KCNB2: variants seen among roughly 807,000 people sequenced by gnomAD.
The protein encoded by KCNB2 is delayed rectifier potassium channel protein.
Under a neutral mutation model 61.5 loss-of-function variants are expected in KCNB2, and 15 were observed. The ratio of observed to expected loss-of-function variants is 0.24; its 90% CI spans 0.16 to 0.38. The LOEUF (loss-of-function observed/expected upper bound fraction) is 0.38. Among genes scored for constraint, KCNB2 ranks in the 10% least tolerant of loss-of-function variants. The probability of loss-of-function intolerance (pLI) is 1.00; values close to 1 mark genes in which losing one functional copy is unlikely to be tolerated. For missense variants in KCNB2, 828 were observed against 1,125.2 expected, an observed-to-expected ratio of 0.74 and a Z score of 3.78; for synonymous variants, 457 against 446.0, an observed-to-expected ratio of 1.02 and a Z score of -0.31.
chr8:72,618,133 G>T (rs998026960), intron 2 of KCNB2, among the ~76,000 whole-genome samples: 1 of 152,032 alleles, frequency 6.6e-6, no homozygotes, highest in African/African-American at 2.4e-5. Context: ...TACCGAGATG[G>T]CAATGTAGAC....
At chr8:72,820,652 A>G (rs1231642640) in intron 2 of KCNB2, among the ~76,000 whole-genome samples, 1 of 152,050 alleles carries the variant, frequency 6.6e-6, no homozygotes, top group African/African-American at 2.4e-5. Context: ...ATTGTAGTGA[A>G]TCTTATGATT....
intron 2 of KCNB2, among the ~76,000 whole-genome samples, chr8:72,656,839 A>G (rs929649286): frequency 4.6e-5 from 7 of 152,086 alleles, no homozygotes; most frequent in Non-Finnish European, 8.8e-5. Flanking sequence ...CTCAGTGACT[A>G]TCTCATCAGA....
chr8:72,783,064 C>A (rs1808789251), intron 2 of KCNB2, among the ~76,000 whole-genome samples: 1 of 152,146 alleles, frequency 6.6e-6, no homozygotes, highest in Non-Finnish European at 1.5e-5. Context: ...ATTATAGATA[C>A]ATCCAATCTT....
At chr8:72,795,505 T>A (rs1300439549) in intron 2 of KCNB2, among the ~76,000 whole-genome samples, 5 of 152,160 alleles carry the variant, frequency 3.3e-5, no homozygotes, top group African/African-American at 1.2e-4. Flanking sequence ...TTGTTTAAAG[T>A]AAAATACAAT....
chr8:72,600,535 T>C (rs879664147), intron 2 of KCNB2, among the ~76,000 whole-genome samples: 1 of 151,946 alleles, frequency 6.6e-6, no homozygotes, highest in South Asian at 2.1e-4. Context: ...ATGGCACATG[T>C]ATACATATGT....
intron 2 of KCNB2, among the ~76,000 whole-genome samples, chr8:72,796,724 T>C (rs1809036592): frequency 1.3e-5 from 2 of 152,186 alleles, no homozygotes; most frequent in African/African-American, 4.8e-5. Flanking sequence ...AGGGAAACAG[T>C]TTTGGCCCAT....
intron 2 of KCNB2, among the ~76,000 whole-genome samples, chr8:72,891,129 T>C (rs1031629757): frequency 4.1e-4 from 63 of 152,180 alleles, no homozygotes; most frequent in African/African-American, 1.4e-3. Context: ...CTGAAAACGA[T>C]TGAGATGGAA....
chr8:72,613,264 A>T (rs928533155), intron 2 of KCNB2, among the ~76,000 whole-genome samples: 7 of 152,222 alleles, frequency 4.6e-5, no homozygotes, highest in Non-Finnish European at 8.8e-5. Flanking sequence ...CAAGAAAAAA[A>T]ACCCTACAAA....
intron 2 of KCNB2, among the ~76,000 whole-genome samples, chr8:72,791,493 G>A (rs1406385825): frequency 6.6e-6 from 1 of 152,122 alleles, no homozygotes; most frequent in Non-Finnish European, 1.5e-5. Flanking sequence ...AGGCTGCAGT[G>A]AGCCATGATC....
chr8:72,762,054 T>C (rs1238249375), intron 2 of KCNB2, among the ~76,000 whole-genome samples: 1 of 152,234 alleles, frequency 6.6e-6, no homozygotes, highest in Non-Finnish European at 1.5e-5. Context: ...ATACTTGTAT[T>C]TCTGTAAGTT....
At chr8:72,705,298 G>C (rs531981857) in intron 2 of KCNB2, among the ~76,000 whole-genome samples, 22 of 152,296 alleles carry the variant, frequency 1.4e-4, no homozygotes, top group Admixed American at 1.4e-3. Context: ...TTGCATACAG[G>C]CTTAATAAAG....
At chr8:72,752,592 TA>T in intron 2 of KCNB2, among the ~76,000 whole-genome samples, 1 of 152,318 alleles carries the variant, frequency 6.6e-6, no homozygotes, top group South Asian at 2.1e-4. Context: ...ATACTGGAAG[TA>T]CACCACCAGC....
chr8:72,851,845 A>AAAAAAC (rs1563404693), intron 2 of KCNB2, among the ~76,000 whole-genome samples: 5 of 148,008 alleles, frequency 3.4e-5, no homozygotes, highest in African/African-American at 1.3e-4. Context: ...AAAAAAAAAA[A>AAAAAAC]AAACACGTAC....
At chr8:72,651,229 G>C (rs1427726480) in intron 2 of KCNB2, among the ~76,000 whole-genome samples, 3 of 152,004 alleles carry the variant, frequency 2.0e-5, no homozygotes, top group Admixed American at 6.6e-5. Context: ...TTTTCTACAA[G>C]CCTTATAAAA....
At chr8:72,744,092 T>G (rs1808015597) in intron 2 of KCNB2, among the ~76,000 whole-genome samples, 1 of 152,142 alleles carries the variant, frequency 6.6e-6, no homozygotes, top group Non-Finnish European at 1.5e-5. Flanking sequence ...TTTTATCTAT[T>G]TTGTTGAGAC....
chr8:72,804,191 G>A (rs1809177848), intron 2 of KCNB2, among the ~76,000 whole-genome samples: 1 of 152,122 alleles, frequency 6.6e-6, no homozygotes, highest in Non-Finnish European at 1.5e-5. Flanking sequence ...GAAGTGGGGA[G>A]AGATTGTAGA....
chr8:72,849,408 G>A (rs1002562352), intron 2 of KCNB2, among the ~76,000 whole-genome samples: 5 of 152,056 alleles, frequency 3.3e-5, no homozygotes, highest in African/African-American at 4.8e-5. Context: ...ACCCTATAGT[G>A]TAAAGAACAC....
intron 2 of KCNB2, among the ~76,000 whole-genome samples, chr8:72,864,680 C>T (rs920664049): frequency 2.4e-4 from 36 of 152,124 alleles, no homozygotes; most frequent in African/African-American, 8.5e-4. Context: ...TGGAAAGTAG[C>T]AGAAAGACGA....
At chr8:72,677,252 C>T (rs1431494851) in intron 2 of KCNB2, among the ~76,000 whole-genome samples, 1 of 152,186 alleles carries the variant, frequency 6.6e-6, no homozygotes, top group Non-Finnish European at 1.5e-5. Context: ...TGATCTCAGA[C>T]TTCTAGGCTC....
Sources: allele counts gnomAD v4.1 joint callset (sites outside exome capture counted in the v4.1 genomes callset), GRCh38; gene constraint gnomAD v4.1.1; transcripts MANE v1.5; gene names NCBI Gene and HGNC (gene_info 2026-07-23, HGNC 2026-07-21).